RYR2: variants seen among roughly 807,000 people sequenced by gnomAD.
The protein encoded by RYR2 is cardiac muscle ryanodine receptor-calcium release channel.
In RYR2, 227 loss-of-function variants were observed where a neutral mutation model predicts 601.1. The ratio of observed to expected loss-of-function variants is 0.38; its 90% CI spans 0.34 to 0.42. RYR2 has a LOEUF of 0.42. Among genes scored for constraint, RYR2 ranks in the 10% least tolerant of loss-of-function variants. The pLI, the probability that RYR2 is intolerant of heterozygous loss-of-function variation, is 1.00. For synonymous variants in RYR2, 2,223 were observed against 2,175.1 expected (o/e 1.02, Z -0.61); for missense variants, 4,646 against 6,156.5 (o/e 0.75, Z 8.21).
At chr1:237,795,685 A>G (rs1464723325) in intron 96 of RYR2, among the ~76,000 whole-genome samples, 1 of 151,740 alleles carries the variant, frequency 6.6e-6, no homozygotes, top group Non-Finnish European at 1.5e-5. Flanking sequence ...TCCTGACCTC[A>G]GGTGATCTGC....
Position 237,614,697 on chromosome 1 carries a change from C to A in RYR2, c.5569C>A (p.Pro1857Thr). ...EPSVFKEAAT[P>T]EEESDTLEKE... ...CAGTGTGTTTAAAGAAGCTGCCACT[C>A]CGGAGGAGGAGAGTGACACGCTGGA... The change falls in exon 37 of 105, where the codon CCG (proline) becomes ACG (threonine). Residue 1857 changes from proline (P) to threonine (T), a missense_variant. This residue lies in a region of RYR2 where 1,807 missense variants were observed against 2,088.1 expected (regional missense o/e 0.87). Coordinates refer to ENST00000366574, the MANE Select transcript of RYR2 (RefSeq NM_001035.3). The surrounding 1 kb of genome is among the most constrained non-coding windows in gnomAD (Gnocchi z 4.3). 1 of 1,613,974 alleles carries A rather than the reference C, an allele frequency of 6.2e-7. No homozygotes were observed. The highest frequency in any genetic ancestry group is 8.5e-7 in the Non-Finnish European group (1 of 1,179,892).
intron 3 of RYR2, chr1:237,333,762 T>C (rs1359976382): frequency 8.5e-6 from 3 of 353,906 alleles, no homozygotes; most frequent in African/African-American, 4.3e-5. Flanking sequence ...GGAATTTTTT[T>C]ATCAATCAAA....
chr1:237,545,659 C>A (rs1026407933), intron 25 of RYR2, among the ~76,000 whole-genome samples: 11 of 151,980 alleles, frequency 7.2e-5, no homozygotes, highest in African/African-American at 2.4e-4. Flanking sequence ...CCTGAGGCTG[C>A]CTCCAGCAAA....
At chr1:237,699,209 T>C (rs777723966) in intron 64 of RYR2, among the ~76,000 whole-genome samples, 184 bp downstream of exon 64, 3 of 152,182 alleles carry the variant, frequency 2.0e-5, no homozygotes, top group Non-Finnish European at 2.9e-5. Flanking sequence ...TATGATCATA[T>C]ATAGATTATT....
chr1:237,809,947 C>T (rs1574048842), intron 100 of RYR2, among the ~76,000 whole-genome samples: 1 of 151,930 alleles, frequency 6.6e-6, no homozygotes, highest in African/African-American at 2.4e-5. Context: ...GACATTAGTA[C>T]CATGGACAAG....
At chr1:237,136,146 T>G (rs1672752034) in intron 1 of RYR2, among the ~76,000 whole-genome samples, 1 of 152,266 alleles carries the variant, frequency 6.6e-6, no homozygotes, top group Admixed American at 6.5e-5. Context: ...AACCACCAGC[T>G]TAGCCCGTTG....
intron 34 of RYR2, among the ~76,000 whole-genome samples, chr1:237,601,268 C>T (rs182380822): frequency 6.6e-6 from 1 of 152,046 alleles, no homozygotes; most frequent in Non-Finnish European, 1.5e-5. Flanking sequence ...AAAATGAGAA[C>T]CTGTCATTCG....
intron 2 of RYR2, among the ~76,000 whole-genome samples, chr1:237,317,148 A>G (rs1695192952): frequency 1.3e-5 from 2 of 152,210 alleles, no homozygotes; most frequent in African/African-American, 4.8e-5. Context: ...TTAAAATGCA[A>G]AACTTCCAAT....
intron 3 of RYR2, among the ~76,000 whole-genome samples, chr1:237,354,340 AGTGT>A (rs143781995): frequency 1.3e-5 from 2 of 149,488 alleles, no homozygotes; most frequent in East Asian, 2.0e-4. Context: ...CACTGATGGG[AGTGT>A]GTGTGTGTGT....
chr1:237,476,509 CAAAAAAAAA>C (rs56116691), intron 17 of RYR2, among the ~76,000 whole-genome samples: 5 of 70,204 alleles, frequency 7.1e-5, no homozygotes, highest in African/African-American at 2.4e-4. Context: ...GACTCTGTCT[CAAAAAAAAA>C]AAAAAAAAAA....
chr1:237,178,723 T>C (rs1678366597), intron 1 of RYR2, among the ~76,000 whole-genome samples: 1 of 152,088 alleles, frequency 6.6e-6, no homozygotes, highest in Non-Finnish European at 1.5e-5. Flanking sequence ...GGAGGATTGC[T>C]TGAGCCCAGA....
At chr1:237,461,728 T>TAA (rs766799590) in intron 16 of RYR2, among the ~76,000 whole-genome samples, 2 of 137,502 alleles carry the variant, frequency 1.5e-5, no homozygotes, top group African/African-American at 2.7e-5. Flanking sequence ...TACAGTTGAG[T>TAA]AAAAAAAAAA....
chr1:237,516,316 G>C (rs1300069427), intron 24 of RYR2, among the ~76,000 whole-genome samples: 1 of 151,638 alleles, frequency 6.6e-6, no homozygotes, highest in Admixed American at 6.6e-5. Context: ...ATGGGGTTTC[G>C]CCATCTTGGC....
At chr1:237,149,771 T>C (rs939067837) in intron 1 of RYR2, among the ~76,000 whole-genome samples, 1 of 151,492 alleles carries the variant, frequency 6.6e-6, no homozygotes, top group African/African-American at 2.5e-5. Flanking sequence ...TCCTATTTCC[T>C]TGTTTTCATG....
At chr1:237,068,941 C>T (rs1427843225) in intron 1 of RYR2, among the ~76,000 whole-genome samples, 1 of 152,108 alleles carries the variant, frequency 6.6e-6, no homozygotes, top group Non-Finnish European at 1.5e-5. Flanking sequence ...AAAAATCTTC[C>T]TGTATCTCTT....
chr1:237,347,260 CT>C (rs1277853886), intron 3 of RYR2, among the ~76,000 whole-genome samples: 3 of 152,046 alleles, frequency 2.0e-5, no homozygotes, highest in African/African-American at 7.2e-5. Flanking sequence ...GAGTTCCAGG[CT>C]GCACTGAGCT....
intron 2 of RYR2, among the ~76,000 whole-genome samples, chr1:237,305,554 C>T (rs1235464725): frequency 6.6e-6 from 1 of 152,184 alleles, no homozygotes; most frequent in Admixed American, 6.5e-5. Context: ...ATCTCAACCT[C>T]CCAAGTATCT....
chr1:237,154,639 C>G (rs1306646831), intron 1 of RYR2, among the ~76,000 whole-genome samples: 1 of 151,696 alleles, frequency 6.6e-6, no homozygotes, highest in Non-Finnish European at 1.5e-5. Context: ...ATAGCAAGAC[C>G]CTATCTCAAA....
intron 1 of RYR2, among the ~76,000 whole-genome samples, chr1:237,100,315 G>T (rs911078352): frequency 6.6e-5 from 10 of 151,822 alleles, no homozygotes; most frequent in African/African-American, 2.4e-4. Context: ...ATCTGGGATG[G>T]GTGGACTCAA....
Sources: gnomAD v4.1 joint callset for allele counts (sites outside exome capture counted in the v4.1 genomes callset) on GRCh38, gnomAD v4.1.1 for gene constraint, gnomAD v4.1.1 regional missense constraint, Gnocchi (gnomAD v3.1) non-coding constraint, MANE v1.5 for transcripts, NCBI Gene and HGNC (gene_info 2026-07-23, HGNC 2026-07-21) for gene names.